Variants in GPM6B observed in about 807,000 individuals in gnomAD.
The protein encoded by GPM6B is neuronal membrane glycoprotein M6-b.
Under a neutral mutation model 27.2 loss-of-function variants are expected in GPM6B, and 4 were observed. The observed-to-expected ratio is 0.15, with a 90% CI of 0.07 to 0.34. The LOEUF (loss-of-function observed/expected upper bound fraction) is 0.34, where lower values mean the gene tolerates loss of function less well. Ranked by LOEUF, GPM6B falls within the 10% of genes least tolerant of loss-of-function variation. The pLI is 1.00. For missense variants in GPM6B, 183 were observed against 261.9 expected (o/e 0.70, Z 2.08); for synonymous variants, 124 against 103.1 (o/e 1.20, Z -1.23).
At chrX:13,859,143 G>A (rs1013055608) in intron 1 of GPM6B, among the ~76,000 whole-genome samples, 1 of 112,029 alleles carries the variant, frequency 8.9e-6, no homozygotes. Context: ...ACAATTTTAC[G>A]AAATTTAGTA....
chrX:13,833,448 C>T (rs1209127707), intron 1 of GPM6B, among the ~76,000 whole-genome samples: 1 of 107,350 alleles, frequency 9.3e-6, no homozygotes, highest in Non-Finnish European at 1.9e-5. Context: ...GGCACTGTGG[C>T]TCACTCCTGT....
At chrX:13,848,907 T>C (rs1181810846) in intron 1 of GPM6B, among the ~76,000 whole-genome samples, 1 of 111,864 alleles carries the variant, frequency 8.9e-6, no homozygotes, top group Non-Finnish European at 1.9e-5. Flanking sequence ...TGGTACAATA[T>C]GGATGAACCT....
At chrX:13,778,966 CA>C (rs2048465883) in intron 5 of GPM6B, among the ~76,000 whole-genome samples, 2 of 111,724 alleles carry the variant, frequency 1.8e-5, no homozygotes, top group African/African-American at 6.5e-5. Flanking sequence ...ATGAAATAGT[CA>C]TCTCTCTTCA....
At chrX:13,858,527 C>A (rs757875579) in intron 1 of GPM6B, among the ~76,000 whole-genome samples, 1 of 111,704 alleles carries the variant, frequency 9.0e-6, no homozygotes, top group African/African-American at 3.3e-5. Flanking sequence ...AACCAGTACA[C>A]ACAAGCTCCA....
At chrX:13,931,332 C>CA (rs1222407997) in intron 1 of GPM6B, among the ~76,000 whole-genome samples, 1 of 109,664 alleles carries the variant, frequency 9.1e-6, no homozygotes, top group African/African-American at 3.3e-5. Flanking sequence ...ACTAAAAATA[C>CA]AAAAAATTAG....
At chrX:13,822,265 ATTTC>A (rs1223378123), upstream of GPM6B, among the ~76,000 whole-genome samples, 2 of 109,413 alleles carry the variant, frequency 1.8e-5, no homozygotes, top group African/African-American at 6.5e-5. Flanking sequence ...AACAAATTTT[ATTTC>A]TTTTTCTCTT....
chrX:13,895,291 C>CT (rs748244987), intron 1 of GPM6B, among the ~76,000 whole-genome samples: 34 of 107,791 alleles, frequency 3.2e-4, no homozygotes, highest in East Asian at 5.7e-4. Flanking sequence ...CGACCTGGTA[C>CT]TTTTTTTTTT....
At chrX:13,918,659 T>C (rs1171699606) in intron 1 of GPM6B, among the ~76,000 whole-genome samples, 1 of 112,021 alleles carries the variant, frequency 8.9e-6, no homozygotes, top group Non-Finnish European at 1.9e-5. Flanking sequence ...CTGCAGGCTG[T>C]ACAGAAAGCA....
chrX:13,868,190 TG>T (rs1555924156), intron 1 of GPM6B, among the ~76,000 whole-genome samples: 1 of 7,900 alleles, frequency 1.3e-4, no homozygotes, highest in African/African-American at 3.5e-4. Flanking sequence ...ACATTTAAAT[TG>T]TGTGTGTGTG....
intron 1 of GPM6B, among the ~76,000 whole-genome samples, chrX:13,917,424 C>A (rs916834039): frequency 8.9e-6 from 1 of 112,146 alleles, no homozygotes; most frequent in Admixed American, 9.5e-5. Flanking sequence ...AGTCACTGGA[C>A]GTGAGCAAAT....
chrX:13,808,578 A>C (rs2049067636), intron 1 of GPM6B, among the ~76,000 whole-genome samples: 1 of 112,143 alleles, frequency 8.9e-6, no homozygotes, highest in Admixed American at 9.4e-5. Context: ...AATCTCAAAG[A>C]GATCATAAGG....
chrX:13,809,915 C>CAAAA (rs750794950), intron 1 of GPM6B, among the ~76,000 whole-genome samples: 7 of 48,290 alleles, frequency 1.4e-4, no homozygotes, highest in African/African-American at 5.2e-4. Flanking sequence ...CCAGCCTGGG[C>CAAAA]AAAAAAAAAA....
At chrX:13,774,069 GTT>G in intron 7 of GPM6B, 1 of 735,604 alleles carries the variant, frequency 1.4e-6, no homozygotes, top group Non-Finnish European at 1.6e-6. Context: ...TAAAAAAATT[GTT>G]TTCAATTTAG....
At chrX:13,877,411 T>C (rs1262098767) in intron 1 of GPM6B, among the ~76,000 whole-genome samples, 1 of 111,460 alleles carries the variant, frequency 9.0e-6, no homozygotes, top group Non-Finnish European at 1.9e-5. Context: ...TGGACTAGAA[T>C]TGGTAAAGTT....
chrX:13,900,081 G>C (rs1235651820), intron 1 of GPM6B, among the ~76,000 whole-genome samples: 1 of 111,580 alleles, frequency 9.0e-6, no homozygotes, highest in African/African-American at 3.3e-5. Flanking sequence ...AAGTTAGATG[G>C]AAGGTTTAGT....
intron 1 of GPM6B, among the ~76,000 whole-genome samples, chrX:13,934,178 A>G (rs974593954): frequency 8.1e-5 from 9 of 111,207 alleles, no homozygotes; most frequent in Admixed American, 3.8e-4. Flanking sequence ...GTATTCGACT[A>G]TGAGGTTTAC....
chrX:13,922,379 GAGAA>G (rs1396676540), intron 1 of GPM6B, among the ~76,000 whole-genome samples: 3 of 111,835 alleles, frequency 2.7e-5, no homozygotes, highest in Non-Finnish European at 3.8e-5. Context: ...TACCCTAGTT[GAGAA>G]CCATGAGTCT....
chrX:13,794,075 T>C (rs959950101), intron 2 of GPM6B, among the ~76,000 whole-genome samples: 1 of 112,271 alleles, frequency 8.9e-6, no homozygotes, highest in Non-Finnish European at 1.9e-5. Flanking sequence ...ATGGCTACTT[T>C]CAAGCTACAA....
chrX:13,848,275 G>A (rs1344985368), intron 1 of GPM6B, among the ~76,000 whole-genome samples: 3 of 111,750 alleles, frequency 2.7e-5, no homozygotes, highest in Admixed American at 9.5e-5. Flanking sequence ...TGGTTGGGAT[G>A]ATGCTGCAGC....
Sources: allele counts gnomAD v4.1 joint callset (sites outside exome capture counted in the v4.1 genomes callset), GRCh38; gene constraint gnomAD v4.1.1; transcripts MANE v1.5; gene names NCBI Gene and HGNC (gene_info 2026-07-23, HGNC 2026-07-21).